The following DNAH12 variants were observed in gnomAD, a reference collection of about 807,000 sequenced individuals.
DNAH12 encodes the protein axonemal beta dynein heavy chain 12.
In DNAH12, 285 loss-of-function variants were observed where a neutral mutation model predicts 371.5. The observed-to-expected ratio is 0.77, with a 90% confidence interval of 0.70 to 0.85. The LOEUF (loss-of-function observed/expected upper bound fraction) is 0.85. Ranked by LOEUF, DNAH12 falls within the 40% of genes least tolerant of loss-of-function variation. The pLI is 0.00. For synonymous variants in DNAH12, 1,200 were observed against 1,213.0 expected, an observed-to-expected ratio of 0.99 and a Z score of 0.22; for missense variants, 3,611 against 3,689.4, an observed-to-expected ratio of 0.98 and a Z score of 0.55.
At chr3:57,313,072 G>A (rs2061612669) in intron 66 of DNAH12, among the ~76,000 whole-genome samples, 1 of 152,144 alleles carries the variant, frequency 6.6e-6, no homozygotes, top group East Asian at 1.9e-4. Flanking sequence ...AGGCCCCTCA[G>A]AACAGCAAAA....
chr3:57,448,179 G>A lies in DNAH12; in HGVS notation c.3787-1490C>T, dbSNP rs1404013857. On this transcript the variant is annotated intron_variant, in intron 25 of 73. Transcript: ENST00000495027. ...AAGAATGAAGCCGCGGACCCTCGAG[G>A]TGAGTCTTACAGCTCTTAAGGTGGC... is the stretch of plus-strand genomic sequence containing the variant. Among the ~76,000 whole-genome samples the A allele has an allele frequency of 6.6e-5, 10 of 152,180 alleles. No individual in the cohort carries two copies. The South Asian group carries it at 8.3e-4, about 13-fold the overall frequency.
chr3:57,484,983 A>G (rs989471137), intron 12 of DNAH12, among the ~76,000 whole-genome samples: 1 of 152,234 alleles, frequency 6.6e-6, no homozygotes, highest in Non-Finnish European at 1.5e-5. Flanking sequence ...CCACAATGAG[A>G]TACCACCTCA....
At chr3:57,367,733 T>A (rs2063082628) in intron 56 of DNAH12, among the ~76,000 whole-genome samples, 1 of 152,134 alleles carries the variant, frequency 6.6e-6, no homozygotes, top group Non-Finnish European at 1.5e-5. Flanking sequence ...TCACTATTCA[T>A]AACAACAGAC....
intron 62 of DNAH12, among the ~76,000 whole-genome samples, chr3:57,327,702 C>A (rs1318115841): frequency 6.6e-6 from 1 of 151,608 alleles, no homozygotes; most frequent in Non-Finnish European, 1.5e-5. Flanking sequence ...CAAGAAATAA[C>A]TAAAACCAGA....
Position 57,296,881 on chromosome 3 carries a change from G to A in DNAH12, c.11498C>T (p.Thr3833Ile), listed in dbSNP as rs1273452961. 1.4e-5 allele frequency: 22 copies of A among 1,551,482 alleles called. No homozygotes were observed. The highest frequency in any genetic ancestry group is 1.8e-5 in the Non-Finnish European group (21 of 1,146,998). The stretch of plus-strand genomic sequence containing the variant: ...ATATCCTAGCAAATCAATAGGGGTG[G>A]TATATTTTCTGGCATAATTCTGCAT... ...GAMQNYARKY[T>I]TPIDLLGYEF... The change falls in exon 71 of 74, where the codon ACC (threonine) becomes ATC (isoleucine). Residue 3833 changes from threonine (T) to isoleucine (I), a missense_variant. By Grantham distance (89) the Thr-to-Ile change is moderately conservative. Transcript: ENST00000495027.
chr3:57,431,737 T>C (rs972078859), intron 32 of DNAH12, among the ~76,000 whole-genome samples: 1 of 152,218 alleles, frequency 6.6e-6, no homozygotes, highest in Non-Finnish European at 1.5e-5. Context: ...GTACTACTAA[T>C]GATAATTTAT....
Position 57,429,700 on chromosome 3 carries a change from G to A in DNAH12, c.5055C>T (p.Ser1685=). Residue 1685 remains serine (S), a synonymous_variant, in exon 33 of 74, where the codon TCC becomes TCT. Coordinates refer to ENST00000495027, the MANE Select transcript of DNAH12 (RefSeq NM_001366028.2). The part of the protein sequence containing the change: ...MSLIFETMDL[S]QASPATVSRC... ...TAAATTATGAACTTACGGATGCCTGGGAAAGGTCCATTGTTTCAAAGATGA... is the reference window on the plus strand; with the variant it reads ...TAAATTATGAACTTACGGATGCCTGAGAAAGGTCCATTGTTTCAAAGATGA... 6.5e-7 allele frequency: 1 copy of A among 1,535,268 alleles called. No homozygotes were observed. The highest frequency in any genetic ancestry group is 8.8e-7 in the Non-Finnish European group (1 of 1,141,408).
intron 2 of DNAH12, among the ~76,000 whole-genome samples, chr3:57,532,409 G>C (rs2068882321): frequency 6.6e-6 from 1 of 152,108 alleles, no homozygotes; most frequent in Non-Finnish European, 1.5e-5. Flanking sequence ...AAGTTCTTCA[G>C]TGTCTGGGCA....
chr3:57,343,871 A>G (rs2062469534), intron 60 of DNAH12, among the ~76,000 whole-genome samples: 1 of 152,166 alleles, frequency 6.6e-6, no homozygotes, highest in Non-Finnish European at 1.5e-5. Context: ...GTGGAGAAAA[A>G]CATAAATCTG....
the DNAH12 span, among the ~76,000 whole-genome samples, chr3:57,552,785 G>T: frequency 2.6e-5 from 4 of 152,034 alleles, no homozygotes; most frequent in African/African-American, 7.2e-5. Flanking sequence ...GTAGTTGCGT[G>T]TACCTAAAGT....
rs2064899383 is a variant in DNAH12 at position 57,429,774 on chromosome 3, G to A, written c.4981C>T (p.Leu1661Phe). The change falls in exon 33 of 74, where the codon CTT becomes TTT. Residue 1661 changes from leucine to phenylalanine, a missense_variant and splice_region_variant. By Grantham distance (22) the Leu-to-Phe change is conservative. Transcript: ENST00000495027. ...MNTVLDDNKK[L>F]CLMSGEIIQM... ...ATGATTTCTCCACTCATAAGGCAAAGCTAAAAGCAATTATTTTTCAAATGT... is the reference window on the plus strand; with the variant it reads ...ATGATTTCTCCACTCATAAGGCAAAACTAAAAGCAATTATTTTTCAAATGT... 6.7e-7 allele frequency: 1 copy of A among 1,492,440 alleles called. No individual in the cohort carries two copies. Among genetic ancestry groups the A allele is most frequent in the African/African-American group, 1.4e-5 (1 of 69,266 alleles). The allele number at this position is 1,492,440 out of a possible 1,614,324, so 92.4% of individuals were successfully genotyped here.
chr3:57,360,446 C>T (rs878949827), intron 58 of DNAH12, among the ~76,000 whole-genome samples: 117,226 of 151,868 alleles, frequency 0.77, 45,824 homozygotes, highest in African/African-American at 0.87. Context: ...CCCAGCACTT[C>T]GAGAGGCCAA....
rs1299492993 is a variant in DNAH12, at chr3:57,453,362, A to G, written c.3498T>C (p.Asn1166=). The G allele has an allele frequency of 6.5e-7, 1 of 1,549,480 alleles. No individual in the cohort carries two copies. Among genetic ancestry groups the G allele is most frequent in the Non-Finnish European group, 8.7e-7 (1 of 1,145,740 alleles). The change falls in exon 24 of 74, where the codon AAT becomes AAC. Residue 1166 remains asparagine, a synonymous_variant. Transcript: ENST00000495027. ...TTCCTCTTACCAGCTCTACAATCTC[A>G]TTCAGTTGGTTCTGAAGTTCCTTAT... ...KYYKELQNQL[N]EIVELVRGKL... is the part of the protein sequence containing the mutation.
chr3:57,326,872 A>T (rs2061961064), intron 62 of DNAH12, among the ~76,000 whole-genome samples: 1 of 152,228 alleles, frequency 6.6e-6, no homozygotes, highest in African/African-American at 2.4e-5. Context: ...AAGATCTGCC[A>T]AGCAAATGGA....
chr3:57,347,721 T>TAAAAAAAAAAAAAAAAAAAAAA (rs367887966), intron 60 of DNAH12, among the ~76,000 whole-genome samples: 1 of 131,232 alleles, frequency 7.6e-6, no homozygotes, highest in Non-Finnish European at 1.6e-5. Context: ...GAATCTGTCT[T>TAAAAAAAAAAAAAAAAAAAAAA]AAAAAAAAAA....
At position 57,437,041 on chromosome 3, in the gene DNAH12, T is replaced by G. The variant is rs2153367517; in HGVS notation, c.4565A>C (p.His1522Pro). The G allele has an allele frequency of 6.6e-7, 1 of 1,519,414 alleles. No homozygotes were observed. Among genetic ancestry groups the G allele is most frequent in the South Asian group, 1.3e-5 (1 of 75,030 alleles). The allele number at this position is 1,519,414 out of a possible 1,614,324, so 94.1% of individuals were successfully genotyped here. ...ADYHEFLECAHEACNVHNLQP... is the reference protein window; with the variant it reads ...ADYHEFLECAPEACNVHNLQP... ...AAGATTATGTACATTGCAGGCTTCA[T>G]GAGCACATTCCAAAAATTCCTGAAA... Residue 1522 changes from histidine to proline, a missense_variant, in exon 30 of 74, where the codon CAT (histidine) becomes CCT (proline). This residue lies in a region of DNAH12 where 2,266 missense variants were observed against 2,236.9 expected (regional missense o/e 1.01). Coordinates refer to ENST00000495027, the MANE Select transcript of DNAH12 (RefSeq NM_001366028.2).
intron 55 of DNAH12, among the ~76,000 whole-genome samples, chr3:57,371,053 A>T (rs1384306163): frequency 1.3e-5 from 2 of 152,178 alleles, no homozygotes; most frequent in Admixed American, 1.3e-4. Flanking sequence ...TCTATATCTC[A>T]TACAGGTTTA....
At chr3:57,362,778 A>C (rs979228379) in intron 58 of DNAH12, among the ~76,000 whole-genome samples, 1 of 152,338 alleles carries the variant, frequency 6.6e-6, no homozygotes, top group South Asian at 2.1e-4. Context: ...GCCCTTTGCC[A>C]GATGGGTAGA....
chr3:57,296,239 T>C (rs1456256702), intron 72 of DNAH12, 105 bp downstream of exon 72: 13 of 743,454 alleles, frequency 1.7e-5, no homozygotes, highest in Non-Finnish European at 2.7e-5. Flanking sequence ...TCTGATGTTA[T>C]TATTACTTGC....
Sources: allele counts gnomAD v4.1 joint callset (sites outside exome capture counted in the v4.1 genomes callset), GRCh38; gene constraint gnomAD v4.1.1; regional missense constraint gnomAD v4.1.1; transcripts MANE v1.5; gene names NCBI Gene and HGNC (gene_info 2026-07-23, HGNC 2026-07-21).